XRCC4: variants seen among roughly 807,000 people sequenced by gnomAD.
XRCC4 encodes the protein DNA repair protein XRCC4.
XRCC4 carries 28 observed loss-of-function variants against 39.1 expected under a neutral mutation model. The ratio of observed to expected loss-of-function variants is 0.72; its 90% confidence interval spans 0.53 to 0.98. The LOEUF is 0.98. Ranked by LOEUF, XRCC4 falls within the 50% of genes least tolerant of loss-of-function variation. The pLI, the probability that XRCC4 is intolerant of heterozygous loss-of-function variation, is 0.00. For missense variants in XRCC4, 350 were observed against 376.4 expected (o/e 0.93, Z 0.58); for synonymous variants, 123 against 126.4 (o/e 0.97, Z 0.18).
At chr5:83,309,282 AAAAAAAAAAAAAAAATAT>A (rs1755604103) in intron 7 of XRCC4, among the ~76,000 whole-genome samples, 1 of 119,886 alleles carries the variant, frequency 8.3e-6, no homozygotes, top group Admixed American at 9.6e-5. Flanking sequence ...AAAAAAAAAA[AAAAAAAAAAAAAAAATAT>A]ATATATATAT....
chr5:83,291,500 T>G (rs549805940), intron 7 of XRCC4, among the ~76,000 whole-genome samples: 1 of 151,992 alleles, frequency 6.6e-6, no homozygotes, highest in Admixed American at 6.6e-5. Context: ...ATGCTTTTCT[T>G]AGATCAAAAT....
chr5:83,221,327 A>C (rs1211391752), intron 6 of XRCC4, among the ~76,000 whole-genome samples: 1 of 152,216 alleles, frequency 6.6e-6, no homozygotes, highest in East Asian at 1.9e-4. Context: ...CACCCATTAC[A>C]ACTGAAAGAA....
chr5:83,240,972 A>T (rs547624781), intron 6 of XRCC4, among the ~76,000 whole-genome samples: 1 of 152,286 alleles, frequency 6.6e-6, no homozygotes, highest in South Asian at 2.1e-4. Context: ...GCGGTGGCTC[A>T]TGCCTGAAAT....
intron 3 of XRCC4, among the ~76,000 whole-genome samples, chr5:83,170,847 C>T (rs115793272): frequency 0.021 from 3,246 of 152,118 alleles, 94 homozygotes; most frequent in African/African-American, 0.072. Flanking sequence ...CGGGGCAGGG[C>T]GTATATACCA....
chr5:83,267,975 G>T (rs1421717088), intron 7 of XRCC4, among the ~76,000 whole-genome samples: 3 of 152,122 alleles, frequency 2.0e-5, no homozygotes, highest in Non-Finnish European at 4.4e-5. Flanking sequence ...TTTTATGAAT[G>T]CTACAAGAAC....
downstream of XRCC4, among the ~76,000 whole-genome samples, chr5:83,357,158 T>C (rs189571218): frequency 6.6e-6 from 1 of 152,286 alleles, no homozygotes; most frequent in Admixed American, 6.5e-5. Flanking sequence ...AATTAAAGGA[T>C]AAATCGATCC....
intron 7 of XRCC4, among the ~76,000 whole-genome samples, chr5:83,331,090 T>G (rs1756424587): frequency 6.6e-6 from 1 of 152,072 alleles, no homozygotes; most frequent in Non-Finnish European, 1.5e-5. Flanking sequence ...CCTCCTGGTG[T>G]AGTTTAACCA....
intron 7 of XRCC4, among the ~76,000 whole-genome samples, chr5:83,293,104 A>G (rs1226417405): frequency 1.3e-5 from 2 of 151,940 alleles, no homozygotes; most frequent in Non-Finnish European, 2.9e-5. Context: ...CAGCTGACTA[A>G]GCCTACCTTC....
intron 7 of XRCC4, among the ~76,000 whole-genome samples, chr5:83,299,788 T>G (rs1755213058): frequency 6.6e-6 from 1 of 152,180 alleles, no homozygotes; most frequent in Non-Finnish European, 1.5e-5. Context: ...TGTTATCATT[T>G]TAAGCTTATC....
intron 7 of XRCC4, among the ~76,000 whole-genome samples, chr5:83,325,488 T>G (rs1020200075): frequency 7.9e-5 from 12 of 151,972 alleles, no homozygotes; most frequent in Admixed American, 7.9e-4. Context: ...GGCCCCATTG[T>G]GTGTGTTGTT....
intron 7 of XRCC4, among the ~76,000 whole-genome samples, chr5:83,291,156 T>C (rs1267212401): frequency 6.6e-6 from 1 of 151,774 alleles, no homozygotes; most frequent in Non-Finnish European, 1.5e-5. Context: ...ACAAAAATCA[T>C]CGGAGGCACC....
At position 83,095,966 on chromosome 5, in the gene XRCC4, G is replaced by A. The variant is rs147249385; in HGVS notation, c.-10-8944G>A. Among the ~76,000 whole-genome samples, 6 of 151,602 alleles carry A rather than the reference G, an allele frequency of 4.0e-5. 1 individual carries two copies. The East Asian group carries it at 7.8e-4, about 20-fold the overall frequency. ...CTGTGGGATGGAGGCAGACACACCC[G>A]TTGCAGTGGTTCAGACTTACACGAA... is the stretch of plus-strand genomic sequence containing the variant. On this transcript the variant is annotated intron_variant, in intron 1 of 7. Transcript: ENST00000396027.
intron 4 of XRCC4, 89 bp downstream of exon 4, chr5:83,196,025 A>G: frequency 1.5e-6 from 2 of 1,338,292 alleles, no homozygotes; most frequent in Non-Finnish European, 2.0e-6. Flanking sequence ...AATTTCCAAT[A>G]TATGTGGATT....
rs56769195 is a variant in XRCC4, at chr5:83,144,267, C to CTGTGTGTGTGTGTGTG, written c.315+33088_315+33103dup. Among the ~76,000 whole-genome samples the CTGTGTGTGTGTGTGTG allele has an allele frequency of 9.3e-4, 131 of 140,126 alleles. 1 individual carries two copies. The highest frequency in any genetic ancestry group is 1.5e-3 in the Non-Finnish European group (100 of 64,754). The allele number at this position is 140,126 out of a possible 152,430, so 91.9% of individuals were successfully genotyped here. On this transcript the variant is annotated intron_variant, in intron 3 of 7. Transcript: ENST00000396027. ...TTTTTTCTGGCTGAGTAATATTCCTCTGTGTGTGTGTGTGTGTGTGTGTGT... is the reference window on the plus strand; with the variant it reads ...TTTTTTCTGGCTGAGTAATATTCCTCTGTGTGTGTGTGTGTGTGTGTGTGTGTGTGTGTGTGTGTGT...
At chr5:83,168,383 A>G (rs1434058809) in intron 3 of XRCC4, among the ~76,000 whole-genome samples, 4 of 152,176 alleles carry the variant, frequency 2.6e-5, no homozygotes, top group Non-Finnish European at 4.4e-5. Context: ...TAAAGCAACA[A>G]TGGACTCAAT....
chr5:83,132,656 C>T (rs561125260), intron 3 of XRCC4, among the ~76,000 whole-genome samples: 47 of 152,186 alleles, frequency 3.1e-4, no homozygotes, highest in Admixed American at 2.7e-3. Flanking sequence ...GATACCCTTT[C>T]TTCCACTTGA....
At chr5:83,247,545 A>G (rs934587266) in intron 6 of XRCC4, among the ~76,000 whole-genome samples, 5 of 152,208 alleles carry the variant, frequency 3.3e-5, no homozygotes, top group African/African-American at 9.7e-5. Context: ...ATTGGGAACT[A>G]TCAAGAAATC....
intron 6 of XRCC4, among the ~76,000 whole-genome samples, chr5:83,208,438 T>G (rs1751502547): frequency 6.6e-6 from 1 of 152,082 alleles, no homozygotes; most frequent in Non-Finnish European, 1.5e-5. Context: ...CCGTATTCAC[T>G]CTAGGGAAAA....
At chr5:83,284,802 G>A (rs1754677311) in intron 7 of XRCC4, among the ~76,000 whole-genome samples, 1 of 151,972 alleles carries the variant, frequency 6.6e-6, no homozygotes, top group African/African-American at 2.4e-5. Flanking sequence ...ATATTATTGT[G>A]ACACCTCTTA....
Sources: gnomAD v4.1 joint callset for allele counts (sites outside exome capture counted in the v4.1 genomes callset) on GRCh38, gnomAD v4.1.1 for gene constraint, MANE v1.5 for transcripts, NCBI Gene and HGNC (gene_info 2026-07-23, HGNC 2026-07-21) for gene names.